The following FSIP1 variants were observed in gnomAD, a reference collection of about 807,000 sequenced individuals.
The protein encoded by FSIP1 is fibrous sheath interacting protein 1.
A neutral mutation model predicts 60.9 loss-of-function variants in FSIP1; 65 were observed. That is an observed-to-expected ratio of 1.07 (90% CI 0.87 to 1.31). The LOEUF (loss-of-function observed/expected upper bound fraction) is 1.31, where lower values mean the gene tolerates loss of function less well. Among genes scored for constraint, FSIP1 ranks in the 40% most tolerant of loss-of-function variants. FSIP1 has a pLI of 0.00. For synonymous variants in FSIP1, 209 were observed against 221.2 expected (o/e 0.94, Z 0.49); for missense variants, 675 against 665.5 (o/e 1.01, Z -0.16).
intron 10 of FSIP1, among the ~76,000 whole-genome samples, chr15:39,701,105 T>C (rs959094425): frequency 3.3e-5 from 5 of 152,124 alleles, no homozygotes; most frequent in East Asian, 1.9e-4. Context: ...TGAGTCAAGA[T>C]TGCACCACTG....
intron 10 of FSIP1, among the ~76,000 whole-genome samples, chr15:39,620,594 G>A (rs911996585): frequency 1.5e-4 from 23 of 151,344 alleles, no homozygotes; most frequent in Non-Finnish European, 2.9e-5. Context: ...TAATTTAAAT[G>A]TATTCTTTTT....
intron 11 of FSIP1, among the ~76,000 whole-genome samples, chr15:39,608,426 A>T (rs1351795732): frequency 6.6e-6 from 1 of 152,052 alleles, no homozygotes; most frequent in Non-Finnish European, 1.5e-5. Context: ...ACTTTTCTAA[A>T]CCCCCCTATA....
At chr15:39,657,768 C>G (rs1402261445) in intron 10 of FSIP1, among the ~76,000 whole-genome samples, 1 of 152,136 alleles carries the variant, frequency 6.6e-6, no homozygotes, top group Non-Finnish European at 1.5e-5. Flanking sequence ...TCTCTACACT[C>G]TGATCATAAA....
chr15:39,726,550 C>CTGTTTA, intron 9 of FSIP1, 39 bp downstream of exon 9: 1 of 1,605,304 alleles, frequency 6.2e-7, no homozygotes, highest in Non-Finnish European at 8.5e-7. Context: ...ACAGCTTTAG[C>CTGTTTA]ACACATTAAC....
At chr15:39,760,694 C>T (rs1441004579) in intron 5 of FSIP1, among the ~76,000 whole-genome samples, 5 of 151,962 alleles carry the variant, frequency 3.3e-5, no homozygotes, top group Admixed American at 6.6e-5. Context: ...GACATGACAA[C>T]GAAATGTAAC....
In FSIP1 at chr15:39,656,337, A is replaced by C. The variant is rs140175756; in HGVS notation, c.1189-38092T>G. On this transcript the variant is annotated intron_variant, in intron 10 of 11. Transcript: ENST00000350221. ...ATCATAGTGTTATTTAAAGGTGTAC[A>C]ATATTCCTTATACCTATAGCGCCAA... Among the ~76,000 whole-genome samples the C allele has an allele frequency of 3.4e-3, 514 of 152,350 alleles. 3 individuals are homozygous for C. Among genetic ancestry groups the C allele is most frequent in the South Asian group, 0.011 (52 of 4,830 alleles).
At chr15:39,613,864 C>T (rs78264362) in intron 11 of FSIP1, among the ~76,000 whole-genome samples, 142 of 152,304 alleles carry the variant, frequency 9.3e-4, no homozygotes, top group Non-Finnish European at 1.7e-3. Flanking sequence ...ATATGATAAT[C>T]TCAATAGATG....
chr15:39,750,663 A>G (rs1454979168), intron 5 of FSIP1, among the ~76,000 whole-genome samples: 1 of 152,024 alleles, frequency 6.6e-6, no homozygotes, highest in Non-Finnish European at 1.5e-5. Flanking sequence ...CCAAAACATA[A>G]AATCTGAAAC....
intron 9 of FSIP1, among the ~76,000 whole-genome samples, chr15:39,719,552 C>G (rs1895873927): frequency 6.6e-6 from 1 of 152,236 alleles, no homozygotes; most frequent in East Asian, 1.9e-4. Flanking sequence ...GCAAATTACC[C>G]GCAGCTTCGT....
intron 10 of FSIP1, among the ~76,000 whole-genome samples, chr15:39,667,529 G>T (rs1893545217): frequency 6.6e-6 from 1 of 152,196 alleles, no homozygotes; most frequent in Non-Finnish European, 1.5e-5. Flanking sequence ...TCTGTGTCAG[G>T]ACCGTGCTTG....
At chr15:39,616,046 T>C (rs897380907) in intron 11 of FSIP1, among the ~76,000 whole-genome samples, 5 of 152,242 alleles carry the variant, frequency 3.3e-5, no homozygotes, top group Admixed American at 2.0e-4. Flanking sequence ...CAAATCATCA[T>C]ACTTTACCCC....
In FSIP1 at chr15:39,770,592, A is replaced by T. The variant is rs769827099; in HGVS notation, c.145T>A (p.Leu49Met). ...GAGTGGTCCTCTTTACCAGAGTTCAAGTTGCTTGCAGTATCGACCTAAAAA... is the reference window on the plus strand; with the variant it reads ...GAGTGGTCCTCTTTACCAGAGTTCATGTTGCTTGCAGTATCGACCTAAAAA... Reference protein sequence around the residue: ...GSFKVDTASNLNSGKEDHSES... With the variant: ...GSFKVDTASNMNSGKEDHSES... The change falls in exon 3 of 12, where the codon TTG (leucine) becomes ATG (methionine). Residue 49 changes from leucine (L) to methionine (M), a missense_variant. Leu to Met is a conservative substitution (Grantham distance 15). Coordinates refer to ENST00000350221, the MANE Select transcript of FSIP1 (RefSeq NM_152597.5). The T allele has an allele frequency of 2.0e-5, 30 of 1,531,150 alleles. No individual in the cohort carries two copies. In the South Asian group the frequency reaches 3.6e-4, roughly 18 times the overall value. The allele number at this position is 1,531,150 out of a possible 1,614,324, so 94.8% of individuals were successfully genotyped here. A position where few individuals can be genotyped will look rare whatever the true frequency, so the allele number is the denominator to read the frequency against.
chr15:39,761,509 A>G (rs1488879345), intron 5 of FSIP1, among the ~76,000 whole-genome samples: 1 of 152,236 alleles, frequency 6.6e-6, no homozygotes, highest in African/African-American at 2.4e-5. Flanking sequence ...TTATATGTGG[A>G]ATCCAAAACA....
At chr15:39,713,136 G>A (rs140728728) in intron 10 of FSIP1, among the ~76,000 whole-genome samples, 79 of 152,134 alleles carry the variant, frequency 5.2e-4, no homozygotes, top group African/African-American at 1.7e-3. Flanking sequence ...AAAGTCCTAC[G>A]AATTATATTT....
At chr15:39,621,828 C>G (rs1264052024) in intron 10 of FSIP1, among the ~76,000 whole-genome samples, 2 of 152,198 alleles carry the variant, frequency 1.3e-5, no homozygotes, top group Admixed American at 1.3e-4. Flanking sequence ...TAATTTGCTT[C>G]TGGGTGCAAT....
intron 10 of FSIP1, among the ~76,000 whole-genome samples, chr15:39,693,826 T>A (rs558726045): frequency 6.6e-6 from 1 of 152,178 alleles, no homozygotes; most frequent in African/African-American, 2.4e-5. Context: ...ATGTCTGGTG[T>A]CCTTATCTGT....
intron 9 of FSIP1, among the ~76,000 whole-genome samples, chr15:39,720,834 C>T (rs561503564): frequency 6.6e-6 from 1 of 152,224 alleles, no homozygotes; most frequent in South Asian, 2.1e-4. Context: ...ACAGTTAAAC[C>T]ACAGATCTTA....
intron 11 of FSIP1, among the ~76,000 whole-genome samples, chr15:39,608,666 G>C (rs778320109): frequency 6.6e-6 from 1 of 152,186 alleles, no homozygotes; most frequent in Non-Finnish European, 1.5e-5. Flanking sequence ...TAACTGAATT[G>C]CATTTGTAAG....
intron 9 of FSIP1, 92 bp downstream of exon 9, chr15:39,726,497 G>T: frequency 7.5e-7 from 1 of 1,334,406 alleles, no homozygotes. Context: ...TATGATCACT[G>T]GAAAAAGCAA....
Sources: allele counts gnomAD v4.1 joint callset (sites outside exome capture counted in the v4.1 genomes callset), GRCh38; gene constraint gnomAD v4.1.1; transcripts MANE v1.5; gene names NCBI Gene and HGNC (gene_info 2026-07-23, HGNC 2026-07-21).